INSC: variants seen among roughly 807,000 people sequenced by gnomAD.
INSC encodes protein inscuteable homolog.
INSC carries 67 observed loss-of-function variants against 58.6 expected under a neutral mutation model. That is an observed-to-expected ratio of 1.14 (90% CI 0.94 to 1.40). The LOEUF (loss-of-function observed/expected upper bound fraction) is 1.40, where lower values mean the gene tolerates loss of function less well. Ranked by LOEUF, INSC falls within the 40% of genes most tolerant of loss-of-function variation. INSC has a pLI of 0.00. For synonymous variants in INSC, 262 were observed against 276.1 expected, an observed-to-expected ratio of 0.95 and a Z score of 0.51; for missense variants, 714 against 692.0, an observed-to-expected ratio of 1.03 and a Z score of -0.36.
upstream of INSC, chr11:15,114,799 C>T (rs1225680900): frequency 7.3e-6 from 2 of 274,446 alleles, no homozygotes; most frequent in African/African-American, 2.3e-5. Flanking sequence ...TGGCAGGGAG[C>T]GCGCTGCTGT....
intron 2 of INSC, among the ~76,000 whole-genome samples, chr11:15,162,872 G>C (rs1590382012): frequency 6.6e-6 from 1 of 152,296 alleles, no homozygotes; most frequent in East Asian, 1.9e-4. Context: ...TTGAAAAGAA[G>C]AGATGTTAGG....
the INSC span, among the ~76,000 whole-genome samples, chr11:15,256,521 G>A: frequency 6.9e-6 from 1 of 144,110 alleles, no homozygotes; most frequent in Non-Finnish European, 1.5e-5. Context: ...AGGGAGTTTC[G>A]CTCTGTTGCC....
chr11:15,163,461 T>G (rs1199779338), intron 2 of INSC, among the ~76,000 whole-genome samples: 1 of 152,228 alleles, frequency 6.6e-6, no homozygotes, highest in African/African-American at 2.4e-5. Flanking sequence ...TTTTCTGATT[T>G]ATAGTTTTAG....
intron 5 of INSC, among the ~76,000 whole-genome samples, chr11:15,181,404 A>G (rs1419768841): frequency 1.3e-5 from 2 of 152,174 alleles, no homozygotes; most frequent in Non-Finnish European, 2.9e-5. Context: ...GAGCAGAGGA[A>G]CAAATCTCCC....
chr11:15,227,925 T>C (rs1417030305), intron 9 of INSC, among the ~76,000 whole-genome samples: 4 of 152,198 alleles, frequency 2.6e-5, no homozygotes, highest in Admixed American at 2.6e-4. Context: ...GACAAGGAAT[T>C]TTGGATTCAG....
At chr11:15,227,832 A>G (rs1241104084) in intron 9 of INSC, among the ~76,000 whole-genome samples, 1 of 152,122 alleles carries the variant, frequency 6.6e-6, no homozygotes, top group African/African-American at 2.4e-5. Flanking sequence ...TACCTGACAT[A>G]ATTTTAGGTT....
the INSC span, among the ~76,000 whole-genome samples, chr11:15,259,477 C>T: frequency 6.6e-6 from 1 of 152,164 alleles, no homozygotes; most frequent in Admixed American, 6.5e-5. Flanking sequence ...TTCTCTTTTA[C>T]TCCATACTCT....
the INSC span, among the ~76,000 whole-genome samples, chr11:15,256,447 G>C: frequency 1.3e-5 from 2 of 151,642 alleles, no homozygotes; most frequent in East Asian, 1.9e-4. Flanking sequence ...CCTCTTATCA[G>C]GTTGGCACTT....
intron 5 of INSC, among the ~76,000 whole-genome samples, chr11:15,186,810 C>T (rs867737739): frequency 6.6e-6 from 1 of 152,006 alleles, no homozygotes; most frequent in Non-Finnish European, 1.5e-5. Flanking sequence ...AGTAATCTTT[C>T]GAATAGTTCA....
At chr11:15,160,968 A>G (rs1395547125) in intron 2 of INSC, among the ~76,000 whole-genome samples, 2 of 152,194 alleles carry the variant, frequency 1.3e-5, no homozygotes, top group African/African-American at 4.8e-5. Context: ...TTTACTGAAT[A>G]CTAGTTAGAT....
chr11:15,262,132 T>C, the INSC span, among the ~76,000 whole-genome samples: 1 of 152,070 alleles, frequency 6.6e-6, no homozygotes, highest in African/African-American at 2.4e-5. Flanking sequence ...CAGCTTGGCC[T>C]CCCCTTGGAC....
intron 2 of INSC, among the ~76,000 whole-genome samples, chr11:15,166,222 C>T (rs1849191670): frequency 6.6e-6 from 1 of 152,184 alleles, no homozygotes; most frequent in Non-Finnish European, 1.5e-5. Flanking sequence ...CCACAACTCA[C>T]CAGAGCACTG....
chr11:15,262,655 A>AACACAC, the INSC span, among the ~76,000 whole-genome samples: 47,474 of 146,598 alleles, frequency 0.32, 7,889 homozygotes, highest in East Asian at 0.56. Context: ...CTGGGTGATA[A>AACACAC]ACACACACAC....
downstream of INSC, among the ~76,000 whole-genome samples, chr11:15,251,783 G>A (rs140553496): frequency 4.7e-4 from 72 of 151,726 alleles, 1 homozygote; most frequent in African/African-American, 1.7e-3. Context: ...ATTGCTGGTG[G>A]GATGGTAAAA....
Position 15,149,028 on chromosome 11 carries a change from C to G in INSC, c.-45-102C>G. Reference sequence around the variant, plus strand: ...GAAGAAGAGGGCTAAGAAGTCTTACCTCTTTGTCTGCTTTGGTTCCTTGTG... The same window carrying G: ...GAAGAAGAGGGCTAAGAAGTCTTACGTCTTTGTCTGCTTTGGTTCCTTGTG... On this transcript the variant is annotated intron_variant, in intron 1 of 12. Transcript: ENST00000379556. The G allele has an allele frequency of 3.0e-6, 4 of 1,355,774 alleles. No individual in the cohort carries two copies. In the South Asian group the frequency reaches 5.3e-5, roughly 18 times the overall value. 84.0% of individuals were successfully genotyped at this position (1,355,774 alleles called of 1,614,324 possible). A position where few individuals can be genotyped will look rare whatever the true frequency, so the allele number is the denominator to read the frequency against.
intron 7 of INSC, among the ~76,000 whole-genome samples, chr11:15,205,789 G>T (rs1850774566): frequency 6.6e-6 from 1 of 152,102 alleles, no homozygotes; most frequent in African/African-American, 2.4e-5. Context: ...AAGTCTGGCT[G>T]GTTCTAAACT....
intron 2 of INSC, among the ~76,000 whole-genome samples, chr11:15,162,523 A>G (rs1405810714): frequency 6.6e-6 from 1 of 152,186 alleles, no homozygotes; most frequent in Non-Finnish European, 1.5e-5. Flanking sequence ...TTCTACCACT[A>G]CTTGTTAATA....
rs1316121199 is a variant in INSC at position 15,178,452 on chromosome 11, G to A, written c.579+5G>A. On this transcript the variant is annotated splice_donor_5th_base_variant and intron_variant, in intron 5 of 12. Transcript: ENST00000379556. The stretch of plus-strand genomic sequence containing the variant: ...GCCCTGACACGGGAGGTTCAGGTCA[G>A]TGCAGGCTGGGCTGCAGGGAGGGGT... The A allele has an allele frequency of 6.2e-7, 1 of 1,608,348 alleles. No individual in the cohort carries two copies. Among genetic ancestry groups the A allele is most frequent in the Non-Finnish European group, 8.5e-7 (1 of 1,179,828 alleles).
intron 2 of INSC, among the ~76,000 whole-genome samples, chr11:15,172,842 G>T (rs797010350): frequency 4.6e-5 from 7 of 152,076 alleles, no homozygotes; most frequent in African/African-American, 1.7e-4. Context: ...GGAGGCTGGG[G>T]CCATATCACG....
Sources: gnomAD v4.1 joint callset for allele counts (sites outside exome capture counted in the v4.1 genomes callset) on GRCh38, gnomAD v4.1.1 for gene constraint, MANE v1.5 for transcripts, NCBI Gene and HGNC (gene_info 2026-07-23, HGNC 2026-07-21) for gene names.